The following ERCC8 variants were observed in gnomAD, a reference collection of about 807,000 sequenced individuals.
ERCC8 encodes ERCC excision repair 8, CSA ubiquitin ligase complex subunit.
In ERCC8, 52 loss-of-function variants were observed where a neutral mutation model predicts 54.9. The ratio of observed to expected loss-of-function variants is 0.95; its 90% CI spans 0.76 to 1.19. The LOEUF (loss-of-function observed/expected upper bound fraction) is 1.19. Ranked by LOEUF, ERCC8 falls within the 50% of genes most tolerant of loss-of-function variation. The pLI, the probability that ERCC8 is intolerant of heterozygous loss-of-function variation, is 0.00. For missense variants in ERCC8, 514 were observed against 466.1 expected (o/e 1.10, Z -0.95); for synonymous variants, 146 against 157.2 (o/e 0.93, Z 0.53).
rs564529840 is a variant in ERCC8, at chr5:60,880,379, A to G, written c.1123-5696T>C. ...TCTTCTCGAGGAGTATCTTTGTGGC[A>G]TTCTCTGTTTTTCTGAATTTGAATG... On this transcript the variant is annotated intron_variant, in intron 11 of 11. Coordinates refer to ENST00000676185, the MANE Select transcript of ERCC8 (RefSeq NM_000082.4). 3.3e-5 allele frequency among the ~76,000 whole-genome samples: 5 copies of G among 152,098 alleles called. No individual in the cohort carries two copies. In the South Asian group the frequency reaches 8.3e-4, roughly 25 times the overall value.
intron 9 of ERCC8, chr5:60,892,367 G>A (rs866376376): frequency 1.8e-6 from 1 of 549,074 alleles, no homozygotes; most frequent in Admixed American, 2.0e-5. Flanking sequence ...GCATTCCATG[G>A]TGTCTTCATT....
intron 4 of ERCC8, among the ~76,000 whole-genome samples, chr5:60,916,538 C>A (rs760376969): frequency 6.6e-6 from 1 of 151,900 alleles, no homozygotes. Context: ...CAAGATATTC[C>A]ATTATAGTCA....
intron 1 of ERCC8, among the ~76,000 whole-genome samples, chr5:60,944,443 G>T (rs1428672403): frequency 6.6e-6 from 1 of 152,104 alleles, no homozygotes; most frequent in Non-Finnish European, 1.5e-5. Flanking sequence ...TCTAGTTTCT[G>T]TCTACTTCAT....
At position 60,918,203 on chromosome 5, in the gene ERCC8, G is replaced by T; in HGVS notation, c.399+62C>A. ...TCTCAGCAAATAATCATACTAAAAT[G>T]GTTTAGGATTAAATTCTCCTTTATC... is the stretch of plus-strand genomic sequence containing the variant. On this transcript the variant is annotated intron_variant, in intron 4 of 11. Transcript: ENST00000676185. 10 of 1,267,548 alleles carry T rather than the reference G, an allele frequency of 7.9e-6. No individual in the cohort carries two copies. The South Asian group carries it at 1.1e-4, about 14-fold the overall frequency. 78.5% of individuals were successfully genotyped at this position (1,267,548 alleles called of 1,614,324 possible).
intron 1 of ERCC8, among the ~76,000 whole-genome samples, chr5:60,930,952 C>T (rs970633627): frequency 1.3e-5 from 2 of 151,706 alleles, no homozygotes; most frequent in Admixed American, 6.6e-5. Flanking sequence ...ACTAAAAATA[C>T]AAAAAAATTA....
At chr5:60,930,769 C>G (rs1255386716) in intron 1 of ERCC8, among the ~76,000 whole-genome samples, 1 of 151,914 alleles carries the variant, frequency 6.6e-6, no homozygotes, top group Non-Finnish European at 1.5e-5. Context: ...TCCAGACAAA[C>G]AGTAATGAGT....
Position 60,870,168 on chromosome 5 carries a change from T to C in ERCC8, c.*4447A>G, listed in dbSNP as rs1433692463. Reference sequence around the variant, plus strand: ...ACAATAATCAAAAGTCTCCCCTAATTATCACAGTCAGGCCTGAATTAGTAA... The same window carrying C: ...ACAATAATCAAAAGTCTCCCCTAATCATCACAGTCAGGCCTGAATTAGTAA... On this transcript the variant is annotated 3_prime_UTR_variant, in exon 12 of 12. Coordinates refer to ENST00000676185, the MANE Select transcript of ERCC8 (RefSeq NM_000082.4). 2.0e-5 allele frequency among the ~76,000 whole-genome samples: 3 copies of C among 152,034 alleles called. No homozygotes were observed. The highest frequency in any genetic ancestry group is 4.4e-5 in the Non-Finnish European group (3 of 68,032).
chr5:60,942,411 C>T (rs557199854), intron 1 of ERCC8, among the ~76,000 whole-genome samples: 7 of 152,014 alleles, frequency 4.6e-5, no homozygotes, highest in Non-Finnish European at 8.8e-5. Flanking sequence ...AGATGTCCAT[C>T]GACAAGTGAC....
intron 8 of ERCC8, 122 bp downstream of exon 8, chr5:60,899,505 C>T (rs1748811275): frequency 7.1e-6 from 5 of 701,546 alleles, no homozygotes; most frequent in Admixed American, 2.0e-5. Flanking sequence ...ACGATGAATG[C>T]CTTTTGAAAA....
At position 60,867,303 on chromosome 5, in the gene ERCC8, G is replaced by A. The variant is rs1315244135; in HGVS notation, c.*7312C>T. On this transcript the variant is annotated 3_prime_UTR_variant, in exon 12 of 12. Coordinates refer to ENST00000676185, the MANE Select transcript of ERCC8 (RefSeq NM_000082.4). ...AGAGTCTTGCTCTGTCACTCAGGGT[G>A]GAGTGCAGTGGGGCGATCTCGGCTC... is the stretch of plus-strand genomic sequence containing the variant. 6.6e-6 allele frequency among the ~76,000 whole-genome samples: 1 copy of A among 151,960 alleles called. No individual in the cohort carries two copies. The highest frequency in any genetic ancestry group is 2.4e-5 in the African/African-American group (1 of 41,374).
intron 3 of ERCC8, among the ~76,000 whole-genome samples, chr5:60,921,220 G>C (rs781472404): frequency 2.0e-5 from 3 of 151,882 alleles, no homozygotes; most frequent in Non-Finnish European, 2.9e-5. Context: ...CGAAACACCA[G>C]AGCCAACAAA....
In ERCC8 at chr5:60,874,341, C is replaced by T. The variant is rs1747934047; in HGVS notation, c.*274G>A. 5 of 368,602 alleles carry T rather than the reference C, an allele frequency of 1.4e-5. No homozygotes were observed. The South Asian group carries it at 2.1e-4, about 15-fold the overall frequency. The allele number at this position is 368,602 out of a possible 1,614,324, so 22.8% of individuals were successfully genotyped here. On this transcript the variant is annotated 3_prime_UTR_variant, in exon 12 of 12. Coordinates refer to ENST00000676185, the MANE Select transcript of ERCC8 (RefSeq NM_000082.4). ...TCATAAAATCTGCTGAAGGTCACAACTGAGGTACAACGACTTGTGTTACTT... is the reference window on the plus strand; with the variant it reads ...TCATAAAATCTGCTGAAGGTCACAATTGAGGTACAACGACTTGTGTTACTT...
intron 8 of ERCC8, among the ~76,000 whole-genome samples, chr5:60,899,068 A>G (rs1311578795): frequency 1.3e-5 from 2 of 149,976 alleles, no homozygotes; most frequent in African/African-American, 4.9e-5. Context: ...TTATGTAGAA[A>G]CTACATAAAA....
In ERCC8 at chr5:60,899,618, C is replaced by T. The variant is rs762154192; in HGVS notation, c.718+9G>A. On this transcript the variant is annotated intron_variant, in intron 8 of 11. Coordinates refer to ENST00000676185, the MANE Select transcript of ERCC8 (RefSeq NM_000082.4). ...TCATTGTCATATTTATTAATGCGTT[C>T]TTCCTTACCTGATTCAACAGCTTGT... 5 of 1,583,556 alleles carry T rather than the reference C, an allele frequency of 3.2e-6. No homozygotes were observed.
chr5:60,936,777 TATGTCA>T (rs1750080593), intron 1 of ERCC8, among the ~76,000 whole-genome samples: 1 of 152,254 alleles, frequency 6.6e-6, no homozygotes, highest in African/African-American at 2.4e-5. Flanking sequence ...TCAGGTATTC[TATGTCA>T]ATTTTTTGTA....
rs1561498517 is a variant in ERCC8 at position 60,891,104 on chromosome 5, T to C, written c.844-18A>G. 3 of 1,495,870 alleles carry C rather than the reference T, an allele frequency of 2.0e-6. No homozygotes were observed. Among genetic ancestry groups the C allele is most frequent in the South Asian group, 2.3e-5 (2 of 88,396 alleles). 92.7% of individuals were successfully genotyped at this position (1,495,870 alleles called of 1,614,324 possible). A position where few individuals can be genotyped will look rare whatever the true frequency, so the allele number is the denominator to read the frequency against. On this transcript the variant is annotated intron_variant, in intron 9 of 11. Transcript: ENST00000676185. ...TAGTTCACCTGTAGGATTAAAATAA[T>C]AAGGTTACTCATCTCTGAAATCTGA...
At chr5:60,882,960 G>C (rs910987495) in intron 11 of ERCC8, among the ~76,000 whole-genome samples, 1 of 144,848 alleles carries the variant, frequency 6.9e-6, no homozygotes, top group Non-Finnish European at 1.5e-5. Context: ...ACCAAAAATA[G>C]CCCTGGGAAA....
chr5:60,897,527 A>G (rs76459813), intron 9 of ERCC8, among the ~76,000 whole-genome samples: 3,649 of 152,284 alleles, frequency 0.024, 59 homozygotes, highest in Non-Finnish European at 0.037. Context: ...ACCAAATTAT[A>G]AGCTTTTAGT....
intron 4 of ERCC8, among the ~76,000 whole-genome samples, chr5:60,905,084 T>C (rs576287182): frequency 2.0e-5 from 3 of 152,156 alleles, no homozygotes; most frequent in South Asian, 2.1e-4. Flanking sequence ...AAAAAAAATA[T>C]GTTTTCCCAA....
Sources: allele counts gnomAD v4.1 joint callset (sites outside exome capture counted in the v4.1 genomes callset), GRCh38; gene constraint gnomAD v4.1.1; transcripts MANE v1.5; gene names NCBI Gene and HGNC (gene_info 2026-07-23, HGNC 2026-07-21).